The following KSR2 variants were observed in gnomAD, a reference collection of about 807,000 sequenced individuals.
KSR2 encodes kinase suppressor of ras 2.
In KSR2, 25 loss-of-function variants were observed where a neutral mutation model predicts 107.8. That is an observed-to-expected ratio of 0.23 (90% CI 0.17 to 0.32). KSR2 has a LOEUF of 0.32. Among genes scored for constraint, KSR2 ranks in the 10% least tolerant of loss-of-function variants. The pLI, the probability that KSR2 is intolerant of heterozygous loss-of-function variation, is 1.00. For missense variants in KSR2, 887 were observed against 1,268.9 expected (o/e 0.70, Z 4.57); for synonymous variants, 480 against 507.0 (o/e 0.95, Z 0.71).
chr12:117,795,086 A>G (rs1186654879), intron 3 of KSR2, among the ~76,000 whole-genome samples: 1 of 152,184 alleles, frequency 6.6e-6, no homozygotes, highest in African/African-American at 2.4e-5. Context: ...CCTTTAGCAG[A>G]GAAATGCCCC....
Position 117,505,218 on chromosome 12 carries a change from C to T in KSR2, c.2220-19527G>A, listed in dbSNP as rs1373237730. Among the ~76,000 whole-genome samples the T allele has an allele frequency of 2.0e-5, 3 of 152,152 alleles. No homozygotes were observed. In the East Asian group the frequency reaches 5.8e-4, roughly 29 times the overall value. ...GAATTGGCCCGCACCAGAATCCTGACCTTGTGTCAGTCCTTATGCAGTCCC... is the reference window on the plus strand; with the variant it reads ...GAATTGGCCCGCACCAGAATCCTGATCTTGTGTCAGTCCTTATGCAGTCCC... On this transcript the variant is annotated intron_variant, in intron 14 of 19. Coordinates refer to ENST00000339824, the MANE Select transcript of KSR2 (RefSeq NM_173598.6).
At chr12:117,859,963 C>A (rs1418008833) in intron 2 of KSR2, among the ~76,000 whole-genome samples, 1 of 152,170 alleles carries the variant, frequency 6.6e-6, no homozygotes, top group Non-Finnish European at 1.5e-5. Context: ...CTACCACAGC[C>A]GGCAGCACAG....
chr12:117,619,461 G>A (rs574428346), intron 5 of KSR2, among the ~76,000 whole-genome samples: 240 of 151,810 alleles, frequency 1.6e-3, no homozygotes, highest in Non-Finnish European at 3.0e-3. Context: ...AACATGTGGT[G>A]TTTGGTTATT....
intron 3 of KSR2, among the ~76,000 whole-genome samples, chr12:117,763,534 C>A (rs1275541958): frequency 6.6e-6 from 1 of 152,164 alleles, no homozygotes; most frequent in African/African-American, 2.4e-5. Flanking sequence ...TAAGTTAGGG[C>A]AGTCACTTTC....
intron 3 of KSR2, among the ~76,000 whole-genome samples, chr12:117,835,399 G>A (rs1425985318): frequency 6.6e-6 from 1 of 152,138 alleles, no homozygotes; most frequent in Non-Finnish European, 1.5e-5. Flanking sequence ...AGACCCCTGG[G>A]AAAACCATGC....
chr12:117,821,123 G>A (rs985988279), intron 3 of KSR2, among the ~76,000 whole-genome samples: 11 of 152,134 alleles, frequency 7.2e-5, no homozygotes, highest in Admixed American at 4.6e-4. Context: ...GCTGTTGGGA[G>A]GATTAAATGA....
chr12:117,687,665 A>G (rs1224617326), intron 4 of KSR2, among the ~76,000 whole-genome samples: 2 of 151,932 alleles, frequency 1.3e-5, no homozygotes, highest in Admixed American at 6.6e-5. Flanking sequence ...ACCCCACTCC[A>G]CCTCGGGGAA....
At position 117,524,991 on chromosome 12, in the gene KSR2, T is replaced by A. The variant is rs1412273987; in HGVS notation, c.2080A>T (p.Ile694Phe). 6.2e-7 allele frequency: 1 copy of A among 1,613,772 alleles called. No individual in the cohort carries two copies. ...TCCTCGTTGTCCCTCTCAATGTCAA[T>A]CAGCCGGATGGCCACCTCGCCATGC... ...RWHGEVAIRL[I>F]DIERDNEDQL... Residue 694 changes from isoleucine (I) to phenylalanine (F), a missense_variant, in exon 14 of 20, where the codon ATT becomes TTT. By Grantham distance (21) the Ile-to-Phe change is conservative (BLOSUM62 0). This residue lies in a region of KSR2 where 308 missense variants were observed against 506.2 expected (regional missense o/e 0.61). Coordinates refer to ENST00000339824, the MANE Select transcript of KSR2 (RefSeq NM_173598.6).
At chr12:117,802,375 T>G (rs1002682417) in intron 3 of KSR2, among the ~76,000 whole-genome samples, 23 of 152,188 alleles carry the variant, frequency 1.5e-4, no homozygotes, top group African/African-American at 5.3e-4. Context: ...ATCCTTCATT[T>G]AATGACATTT....
intron 3 of KSR2, among the ~76,000 whole-genome samples, chr12:117,820,027 G>T (rs577027725): frequency 6.6e-6 from 1 of 152,138 alleles, no homozygotes; most frequent in Non-Finnish European, 1.5e-5. Context: ...CGGAAAATGC[G>T]AATATGAGCA....
intron 10 of KSR2, among the ~76,000 whole-genome samples, chr12:117,534,016 T>C (rs149606382): frequency 1.2e-3 from 180 of 152,186 alleles, no homozygotes; most frequent in African/African-American, 4.2e-3. Context: ...AAAGAACAAC[T>C]GGTGACCTTG....
intron 4 of KSR2, among the ~76,000 whole-genome samples, chr12:117,731,725 G>T (rs1334796771): frequency 6.6e-6 from 1 of 152,066 alleles, no homozygotes; most frequent in African/African-American, 2.4e-5. Flanking sequence ...CTGTTGATCT[G>T]TGACCTTACC....
At chr12:117,848,323 T>C (rs1892773217) in intron 3 of KSR2, among the ~76,000 whole-genome samples, 1 of 152,216 alleles carries the variant, frequency 6.6e-6, no homozygotes, top group South Asian at 2.1e-4. Flanking sequence ...GGGACCCTGC[T>C]GTCCTCAGAC....
intron 3 of KSR2, among the ~76,000 whole-genome samples, chr12:117,843,372 G>A (rs1892568883): frequency 6.6e-6 from 1 of 152,164 alleles, no homozygotes; most frequent in Non-Finnish European, 1.5e-5. Flanking sequence ...AGGGGCCTCA[G>A]GAACTGAGCC....
intron 3 of KSR2, among the ~76,000 whole-genome samples, chr12:117,777,823 G>T (rs1489143213): frequency 2.6e-5 from 4 of 152,010 alleles, no homozygotes; most frequent in Non-Finnish European, 5.9e-5. Flanking sequence ...TTGCGCCCAG[G>T]AGTTTGAGGC....
chr12:117,502,524 G>C (rs1290177852), intron 14 of KSR2, among the ~76,000 whole-genome samples: 1 of 152,096 alleles, frequency 6.6e-6, no homozygotes, highest in Admixed American at 6.5e-5. Flanking sequence ...GGAATGACTG[G>C]TAATGGGTAT....
chr12:117,738,243 C>G (rs1888019240), intron 4 of KSR2, among the ~76,000 whole-genome samples: 1 of 152,192 alleles, frequency 6.6e-6, no homozygotes, highest in African/African-American at 2.4e-5. Context: ...GGGACACTAA[C>G]AGCATCCACT....
At chr12:117,846,595 C>T (rs979428819) in intron 3 of KSR2, among the ~76,000 whole-genome samples, 5 of 152,112 alleles carry the variant, frequency 3.3e-5, no homozygotes, top group Admixed American at 6.5e-5. Context: ...TAAACCACTG[C>T]GCCCAACTTG....
intron 1 of KSR2, among the ~76,000 whole-genome samples, chr12:117,933,125 G>A (rs1014393077): frequency 1.3e-5 from 2 of 152,112 alleles, no homozygotes; most frequent in African/African-American, 4.8e-5. Flanking sequence ...GGCTGTCAGG[G>A]GTTAGTAATG....
Sources: allele counts gnomAD v4.1 joint callset (sites outside exome capture counted in the v4.1 genomes callset), GRCh38; gene constraint gnomAD v4.1.1; regional missense constraint gnomAD v4.1.1; transcripts MANE v1.5; gene names NCBI Gene and HGNC (gene_info 2026-07-23, HGNC 2026-07-21).